ALOX5: variants seen among roughly 807,000 people sequenced by gnomAD.
ALOX5 encodes the protein arachidonate 5-lipoxygenase, also known as polyunsaturated fatty acid 5-lipoxygenase.
In ALOX5, 64 loss-of-function variants were observed where a neutral mutation model predicts 87.9. That is an observed-to-expected ratio of 0.73 (90% confidence interval 0.60 to 0.90). The LOEUF is 0.90. Among genes scored for constraint, ALOX5 ranks in the 40% least tolerant of loss-of-function variants. ALOX5 has a pLI of 0.00. For missense variants in ALOX5, 822 were observed against 907.5 expected, an observed-to-expected ratio of 0.91 and a Z score of 1.21; for synonymous variants, 388 against 355.1, an observed-to-expected ratio of 1.09 and a Z score of -1.04.
intron 1 of ALOX5, among the ~76,000 whole-genome samples, chr10:45,379,195 C>T (rs533729225): frequency 2.0e-5 from 3 of 152,308 alleles, no homozygotes; most frequent in Middle Eastern, 3.4e-3. Context: ...GTCCAAGGTA[C>T]TGGGAGCCTC....
intron 4 of ALOX5, among the ~76,000 whole-genome samples, chr10:45,420,411 C>CA (rs1450662815): frequency 1.3e-5 from 2 of 152,248 alleles, no homozygotes; most frequent in South Asian, 2.1e-4. Flanking sequence ...ATGTTTCCCT[C>CA]AAAAAAATGA....
chr10:45,422,980 C>G (rs1439403437), intron 4 of ALOX5, among the ~76,000 whole-genome samples: 1 of 152,132 alleles, frequency 6.6e-6, no homozygotes, highest in Non-Finnish European at 1.5e-5. Flanking sequence ...CGGTGCCTTC[C>G]TCTTCTTACG....
chr10:45,382,181 G>A (rs960623559), intron 1 of ALOX5, among the ~76,000 whole-genome samples: 2 of 152,188 alleles, frequency 1.3e-5, no homozygotes, highest in African/African-American at 2.4e-5. Flanking sequence ...GGAGGTAAGC[G>A]TTCATTGTAC....
intron 9 of ALOX5, 116 bp downstream of exon 9, chr10:45,441,546 T>G (rs1160676571): frequency 2.9e-6 from 3 of 1,038,750 alleles, no homozygotes; most frequent in Non-Finnish European, 4.3e-6. Context: ...GGCTGGAGTC[T>G]GCTCAGAGCA....
intron 9 of ALOX5, 104 bp from the exon 10 acceptor site, chr10:45,442,934 T>G: frequency 2.4e-6 from 3 of 1,261,812 alleles, no homozygotes; most frequent in Non-Finnish European, 3.3e-6. Flanking sequence ...CTTGCACCTC[T>G]GCCTGCCTGG....
chr10:45,438,281 G>T (rs1313824970), intron 7 of ALOX5, among the ~76,000 whole-genome samples: 1 of 152,116 alleles, frequency 6.6e-6, no homozygotes, highest in Non-Finnish European at 1.5e-5. Flanking sequence ...ATTTTTGCCT[G>T]TTCAATATCA....
At chr10:45,399,683 T>A (rs1840630662) in intron 3 of ALOX5, among the ~76,000 whole-genome samples, 1 of 152,112 alleles carries the variant, frequency 6.6e-6, no homozygotes, top group Non-Finnish European at 1.5e-5. Context: ...TCAAAGGACA[T>A]CATCAATAAA....
At chr10:45,394,724 T>C in intron 2 of ALOX5, among the ~76,000 whole-genome samples, 1 of 152,010 alleles carries the variant, frequency 6.6e-6, no homozygotes. Context: ...AGGGCTAATA[T>C]CCAGAATCTA....
chr10:45,436,446 C>T (rs140267121), intron 7 of ALOX5, among the ~76,000 whole-genome samples: 3 of 152,182 alleles, frequency 2.0e-5, no homozygotes, highest in Non-Finnish European at 4.4e-5. Context: ...GAGGTAGGGG[C>T]CCAGCGTCAT....
At chr10:45,443,240 C>A (rs776659209) in intron 10 of ALOX5, 24 bp downstream of exon 10, 1 of 1,606,674 alleles carries the variant, frequency 6.2e-7, no homozygotes, top group Admixed American at 1.7e-5. Flanking sequence ...GGGCGGTGGT[C>A]CTGGGGGAGG....
At chr10:45,415,750 A>C (rs1269851581) in intron 4 of ALOX5, among the ~76,000 whole-genome samples, 2 of 152,214 alleles carry the variant, frequency 1.3e-5, no homozygotes, top group African/African-American at 4.8e-5. Context: ...GTTGCAAAAG[A>C]AAAGGAGCAG....
intron 2 of ALOX5, among the ~76,000 whole-genome samples, chr10:45,390,302 G>C (rs904913418): frequency 7.9e-5 from 12 of 152,126 alleles, no homozygotes; most frequent in Non-Finnish European, 1.3e-4. Context: ...AGTTAACAAG[G>C]ATATCCAGGA....
chr10:45,391,851 C>A (rs1411187142), intron 2 of ALOX5, among the ~76,000 whole-genome samples: 1 of 150,210 alleles, frequency 6.7e-6, no homozygotes, highest in Admixed American at 6.6e-5. Context: ...AGGAGCCCCT[C>A]CATCTGAGAA....
At chr10:45,412,144 C>T in intron 3 of ALOX5, 47 bp from the exon 4 acceptor site, 1 of 1,612,366 alleles carries the variant, frequency 6.2e-7, no homozygotes, top group Non-Finnish European at 8.5e-7. Context: ...AGGGGGCAGA[C>T]CAAAGGCTGG....
chr10:45,377,519 A>G lies in ALOX5; in HGVS notation c.150+3090A>G, dbSNP rs567425512. On this transcript the variant is annotated intron_variant, in intron 1 of 13. Transcript: ENST00000374391. ...CTCAATCTCCGGCTCTCTGTCCCAC[A>G]TTTTCCCCCTTCTCTGCCCCTTGGT... 1.6e-4 allele frequency among the ~76,000 whole-genome samples: 24 copies of G among 150,514 alleles called. No individual in the cohort carries two copies. The South Asian group carries it at 5.1e-3, about 32-fold the overall frequency.
intron 8 of ALOX5, 48 bp from the exon 9 acceptor site, chr10:45,441,296 G>A: frequency 6.4e-7 from 1 of 1,562,276 alleles, no homozygotes; most frequent in South Asian, 1.1e-5. Context: ...GAGGCACCAG[G>A]TCACCTGACT....
chr10:45,428,419 C>A (rs1237019834), intron 6 of ALOX5, 199 bp from the exon 7 acceptor site: 2 of 635,440 alleles, frequency 3.1e-6, no homozygotes, highest in Non-Finnish European at 5.2e-6. Context: ...CTTCATCTTA[C>A]CCCGAACTGC....
intron 7 of ALOX5, among the ~76,000 whole-genome samples, chr10:45,439,156 G>A (rs997521854): frequency 1.3e-5 from 2 of 152,118 alleles, no homozygotes; most frequent in East Asian, 1.9e-4. Context: ...ATTATTCACC[G>A]GCATTTCACC....
At chr10:45,415,866 C>T (rs1344210371) in intron 4 of ALOX5, among the ~76,000 whole-genome samples, 2 of 152,226 alleles carry the variant, frequency 1.3e-5, no homozygotes, top group South Asian at 2.1e-4. Context: ...TTATCTGTAG[C>T]TATCTTCGTT....
Sources: allele counts gnomAD v4.1 joint callset (sites outside exome capture counted in the v4.1 genomes callset), GRCh38; gene constraint gnomAD v4.1.1; transcripts MANE v1.5; gene names NCBI Gene and HGNC (gene_info 2026-07-23, HGNC 2026-07-21).